The following GON4L variants were observed in gnomAD, a reference collection of about 807,000 sequenced individuals.
The protein encoded by GON4L is GON-4-like protein.
GON4L carries 87 observed loss-of-function variants against 211.8 expected under a neutral mutation model. That is an observed-to-expected ratio of 0.41 (90% CI 0.35 to 0.49). GON4L has a LOEUF of 0.49. Among genes scored for constraint, GON4L ranks in the 20% least tolerant of loss-of-function variants. The probability of loss-of-function intolerance (pLI) is 0.15; values close to 1 mark genes in which losing one functional copy is unlikely to be tolerated. For missense variants in GON4L, 2,155 were observed against 2,659.5 expected, an observed-to-expected ratio of 0.81 and a Z score of 4.17; for synonymous variants, 875 against 962.6, an observed-to-expected ratio of 0.91 and a Z score of 1.68.
chr1:155,819,340 G>T (rs973346006), intron 6 of GON4L, among the ~76,000 whole-genome samples: 1 of 152,032 alleles, frequency 6.6e-6, no homozygotes, highest in Non-Finnish European at 1.5e-5. Flanking sequence ...GTATAGCCAA[G>T]AAAAGAATGT....
intron 20 of GON4L, among the ~76,000 whole-genome samples, 156 bp from the exon 21 acceptor site, chr1:155,766,865 G>A (rs1207702881): frequency 2.0e-5 from 3 of 152,172 alleles, no homozygotes; most frequent in African/African-American, 7.2e-5. Context: ...GACCAACACG[G>A]TGAAACCCCG....
At chr1:155,806,431 T>C (rs889995825) in intron 10 of GON4L, among the ~76,000 whole-genome samples, 3 of 152,054 alleles carry the variant, frequency 2.0e-5, no homozygotes, top group Admixed American at 6.6e-5. Context: ...TGTGAGCCAC[T>C]GGATCCATAC....
chr1:155,772,631 G>A (rs912399526), intron 18 of GON4L, among the ~76,000 whole-genome samples: 40 of 151,872 alleles, frequency 2.6e-4, no homozygotes, highest in Non-Finnish European at 4.9e-4. Flanking sequence ...GGTGGCACAC[G>A]CCTGTGGTCT....
intron 2 of GON4L, among the ~76,000 whole-genome samples, chr1:155,847,734 T>C (rs1671384509): frequency 6.6e-6 from 1 of 150,660 alleles, no homozygotes; most frequent in Admixed American, 6.6e-5. Context: ...ATTAGCTGAG[T>C]GTGGTGGTGC....
At chr1:155,806,979 G>A (rs761452427) in intron 10 of GON4L, among the ~76,000 whole-genome samples, 3 of 151,458 alleles carry the variant, frequency 2.0e-5, no homozygotes, top group Non-Finnish European at 4.4e-5. Flanking sequence ...ACCAATTGTA[G>A]TCCCAGCTAC....
chr1:155,764,656 G>C (rs1409919580), intron 21 of GON4L: 1 of 578,032 alleles, frequency 1.7e-6, no homozygotes, highest in African/African-American at 1.9e-5. Flanking sequence ...GGCCAGGCCA[G>C]TCTGAAACTC....
intron 28 of GON4L, 156 bp downstream of exon 28, chr1:155,754,219 T>C: frequency 1.4e-6 from 1 of 694,512 alleles, no homozygotes; most frequent in Non-Finnish European, 2.7e-6. Context: ...CACGTATTTC[T>C]AGCAGATTCC....
At chr1:155,781,023 C>T (rs1664364618) in intron 14 of GON4L, among the ~76,000 whole-genome samples, 1 of 152,130 alleles carries the variant, frequency 6.6e-6, no homozygotes, top group Non-Finnish European at 1.5e-5. Context: ...CTTCTGAGAA[C>T]TGAAAACCTG....
chr1:155,756,719 G>A (rs1661227855), intron 27 of GON4L: 2 of 444,750 alleles, frequency 4.5e-6, no homozygotes, highest in South Asian at 4.5e-5. Context: ...GAGGTAAGGA[G>A]TTCGAGACCA....
intron 11 of GON4L, among the ~76,000 whole-genome samples, chr1:155,796,078 A>G (rs942663584): frequency 1.3e-5 from 2 of 152,178 alleles, no homozygotes; most frequent in African/African-American, 4.8e-5. Flanking sequence ...ACGTACACAT[A>G]TAAAATGTGA....
chr1:155,843,641 TG>T (rs150360122), intron 2 of GON4L, among the ~76,000 whole-genome samples: 12,053 of 152,076 alleles, frequency 0.079, 631 homozygotes, highest in Non-Finnish European at 0.12. Context: ...CCCAAGGCCA[TG>T]GGAGGGCAAA....
At chr1:155,816,533 T>G (rs573556046) in intron 6 of GON4L, among the ~76,000 whole-genome samples, 1 of 152,200 alleles carries the variant, frequency 6.6e-6, no homozygotes, top group Non-Finnish European at 1.5e-5. Context: ...AATGTCTACC[T>G]TGTTCATATC....
chr1:155,844,504 A>G (rs1430951627), intron 2 of GON4L, among the ~76,000 whole-genome samples: 1 of 152,102 alleles, frequency 6.6e-6, no homozygotes, highest in Non-Finnish European at 1.5e-5. Flanking sequence ...CGCCTGTAAT[A>G]CCAGTACTTT....
intron 2 of GON4L, among the ~76,000 whole-genome samples, chr1:155,839,717 C>G (rs1670615797): frequency 6.6e-6 from 1 of 151,006 alleles, no homozygotes; most frequent in Non-Finnish European, 1.5e-5. Flanking sequence ...CATACATGGT[C>G]TGTGCAGGTC....
intron 2 of GON4L, among the ~76,000 whole-genome samples, chr1:155,835,197 C>T (rs918186741): frequency 2.6e-5 from 4 of 152,150 alleles, no homozygotes; most frequent in Non-Finnish European, 4.4e-5. Context: ...GAAACATGTG[C>T]TGTGTCCACT....
At position 155,755,101 on chromosome 1, in the gene GON4L, C is replaced by T. The variant is rs1367700320; in HGVS notation, c.5518-613G>A. On this transcript the variant is annotated intron_variant, in intron 27 of 31. Coordinates refer to ENST00000368331, the MANE Select transcript of GON4L (RefSeq NM_001282860.2). ...TTTTTTTTTTTTTGAGATGGAGTCT[C>T]GCTCTTTCTCCCAGGCTGGAGTGCA... 3.9e-4 allele frequency among the ~76,000 whole-genome samples: 56 copies of T among 143,672 alleles called. 1 individual carries two copies. Among genetic ancestry groups the T allele is most frequent in the African/African-American group, 1.5e-3 (56 of 38,620 alleles). The allele number at this position is 143,672 out of a possible 152,430, so 94.3% of individuals were successfully genotyped here.
intron 11 of GON4L, among the ~76,000 whole-genome samples, chr1:155,801,037 G>A (rs1666606236): frequency 6.9e-6 from 1 of 145,670 alleles, no homozygotes; most frequent in South Asian, 2.2e-4. Flanking sequence ...CTGTCCTTGG[G>A]CAACCCACTC....
chr1:155,777,266 C>T (rs1018813332), intron 15 of GON4L, among the ~76,000 whole-genome samples: 2 of 152,158 alleles, frequency 1.3e-5, no homozygotes, highest in African/African-American at 4.8e-5. Context: ...TTTCTGGCCT[C>T]AGAGTTAGGC....
chr1:155,854,487 C>T (rs887334789), intron 1 of GON4L, among the ~76,000 whole-genome samples: 1 of 152,160 alleles, frequency 6.6e-6, no homozygotes, highest in African/African-American at 2.4e-5. Context: ...GGGTGGTAGA[C>T]TAGCATGATG....
Sources: gnomAD v4.1 joint callset for allele counts (sites outside exome capture counted in the v4.1 genomes callset) on GRCh38, gnomAD v4.1.1 for gene constraint, MANE v1.5 for transcripts, NCBI Gene and HGNC (gene_info 2026-07-23, HGNC 2026-07-21) for gene names.